TACC1: variants seen among roughly 807,000 people sequenced by gnomAD.
TACC1 encodes transforming acidic coiled-coil containing protein 1.
Under a neutral mutation model 84.4 loss-of-function variants are expected in TACC1, and 48 were observed. The observed-to-expected ratio is 0.57, with a 90% CI of 0.45 to 0.72. TACC1 has a LOEUF of 0.72. Among genes scored for constraint, TACC1 ranks in the 30% least tolerant of loss-of-function variants. TACC1 has a pLI of 0.00. For synonymous variants in TACC1, 372 were observed against 376.3 expected (o/e 0.99, Z 0.13); for missense variants, 920 against 973.0 (o/e 0.95, Z 0.72).
intron 3 of TACC1, among the ~76,000 whole-genome samples, chr8:38,758,929 G>C (rs957570884): frequency 1.3e-5 from 2 of 152,118 alleles, no homozygotes; most frequent in Admixed American, 1.3e-4. Context: ...CCAAGAGTTG[G>C]AACTATCCTA....
Position 38,735,386 on chromosome 8 carries a change from T to C in TACC1, c.-675+6715T>C, listed in dbSNP as rs566947521. Among the ~76,000 whole-genome samples the C allele has an allele frequency of 2.6e-5, 4 of 152,240 alleles. No homozygotes were observed. In the East Asian group the frequency reaches 7.7e-4, roughly 29 times the overall value. ...TTCCATTTGGCCTTAGAAATCACTC[T>C]CCACCGTTTTCCACCCGCGCTGTGC... On this transcript the variant is annotated intron_variant, in intron 1 of 14. Transcript: ENST00000518415.
intron 3 of TACC1, among the ~76,000 whole-genome samples, chr8:38,750,094 G>A (rs1808764443): frequency 6.6e-6 from 1 of 152,114 alleles, no homozygotes; most frequent in African/African-American, 2.4e-5. Flanking sequence ...GTTTGTTGGA[G>A]ACCAGGAGTT....
intron 8 of TACC1, 89 bp downstream of exon 8, chr8:38,838,635 A>G: frequency 8.8e-7 from 1 of 1,130,022 alleles, no homozygotes. Context: ...TTTGCTTGCC[A>G]CAGAACCAAG....
intron 8 of TACC1, 89 bp from the exon 9 acceptor site, chr8:38,840,135 A>T: frequency 1.1e-6 from 1 of 886,790 alleles, no homozygotes; most frequent in South Asian, 1.4e-5. Flanking sequence ...AGTGTATGTT[A>T]ATGTGTTTAA....
chr8:38,742,202 A>G (rs946580251), intron 1 of TACC1: 8 of 418,244 alleles, frequency 1.9e-5, no homozygotes, highest in Non-Finnish European at 3.0e-5. Context: ...GCTAGCACAA[A>G]GTGTTAGAAA....
chr8:38,743,252 A>G (rs538922208), intron 2 of TACC1, among the ~76,000 whole-genome samples: 5 of 152,278 alleles, frequency 3.3e-5, no homozygotes, highest in Admixed American at 3.3e-4. Context: ...ATGAATTCAG[A>G]GTAAGACAGA....
chr8:38,785,708 G>A (rs768142681), upstream of TACC1: 46 of 985,378 alleles, frequency 4.7e-5, no homozygotes, highest in Non-Finnish European at 5.3e-5. Flanking sequence ...CAGGAGCCTG[G>A]GGGACTGTAG....
intron 2 of TACC1, among the ~76,000 whole-genome samples, chr8:38,816,479 G>A (rs1825467184): frequency 6.6e-6 from 1 of 152,138 alleles, no homozygotes; most frequent in Admixed American, 6.5e-5. Context: ...TCAGTCCCAC[G>A]AGACTGCCGC....
intron 1 of TACC1, among the ~76,000 whole-genome samples, chr8:38,731,720 C>G (rs565205234): frequency 6.8e-6 from 1 of 147,496 alleles, no homozygotes; most frequent in South Asian, 2.2e-4. Flanking sequence ...TAGCTGTTCT[C>G]CCAGAGATAA....
At chr8:38,780,969 C>G (rs1815827637) in intron 3 of TACC1, among the ~76,000 whole-genome samples, 2 of 152,148 alleles carry the variant, frequency 1.3e-5, no homozygotes. Context: ...ACATGAGTTA[C>G]TGTAATGAAA....
intron 1 of TACC1, among the ~76,000 whole-genome samples, chr8:38,737,647 G>A (rs1386613828): frequency 6.6e-6 from 1 of 151,932 alleles, no homozygotes; most frequent in Admixed American, 6.6e-5. Flanking sequence ...AATAGGGCAT[G>A]GTGATAGAAG....
At chr8:38,835,122 C>T (rs560790785) in intron 6 of TACC1, among the ~76,000 whole-genome samples, 56 of 151,944 alleles carry the variant, frequency 3.7e-4, no homozygotes, top group South Asian at 2.5e-3. Flanking sequence ...GGCGTGGTGG[C>T]GGGCACCTGT....
chr8:38,838,169 G>T (rs1386006119), intron 7 of TACC1, among the ~76,000 whole-genome samples: 1 of 152,230 alleles, frequency 6.6e-6, no homozygotes, highest in East Asian at 1.9e-4. Context: ...CCCAGTCAGG[G>T]CCTGGCCCTG....
chr8:38,786,847 C>T (rs1242675271), upstream of TACC1, among the ~76,000 whole-genome samples: 1 of 150,776 alleles, frequency 6.6e-6, no homozygotes, highest in African/African-American at 2.4e-5. Context: ...TTTTTGGTAA[C>T]AAGGGGCTTG....
chr8:38,783,094 C>CTATATA (rs1334969233), upstream of TACC1, among the ~76,000 whole-genome samples: 7 of 116,824 alleles, frequency 6.0e-5, no homozygotes, highest in Non-Finnish European at 9.9e-5. Flanking sequence ...ATCTATCTAT[C>CTATATA]TATCTATCTA....
chr8:38,749,969 CAGT>C (rs1379471387), intron 3 of TACC1, among the ~76,000 whole-genome samples: 1 of 152,140 alleles, frequency 6.6e-6, no homozygotes, highest in African/African-American at 2.4e-5. Flanking sequence ...AACACAGACA[CAGT>C]GGTGCAATGT....
At chr8:38,747,961 T>A (rs1338225660) in intron 3 of TACC1, among the ~76,000 whole-genome samples, 1 of 151,886 alleles carries the variant, frequency 6.6e-6, no homozygotes, top group Non-Finnish European at 1.5e-5. Flanking sequence ...GGGTAGGGGG[T>A]GTGTGGGAAC....
chr8:38,772,518 A>G (rs995576859), intron 3 of TACC1, among the ~76,000 whole-genome samples: 2 of 152,230 alleles, frequency 1.3e-5, no homozygotes, highest in East Asian at 3.8e-4. Flanking sequence ...CAGACACACA[A>G]AGGCATGTTA....
At chr8:38,752,584 T>C (rs1809247731) in intron 3 of TACC1, among the ~76,000 whole-genome samples, 1 of 152,152 alleles carries the variant, frequency 6.6e-6, no homozygotes, top group African/African-American at 2.4e-5. Flanking sequence ...ACCACGGACA[T>C]GAAATTCTAC....
Sources: allele counts gnomAD v4.1 joint callset (sites outside exome capture counted in the v4.1 genomes callset), GRCh38; gene constraint gnomAD v4.1.1; transcripts MANE v1.5; gene names NCBI Gene and HGNC (gene_info 2026-07-23, HGNC 2026-07-21).